The following PCBP2 variants were observed in gnomAD, a reference collection of about 807,000 sequenced individuals.
PCBP2 encodes poly(rC) binding protein 2.
PCBP2 carries 4 observed loss-of-function variants against 50.1 expected under a neutral mutation model. That is an observed-to-expected ratio of 0.08 (90% CI 0.04 to 0.18). The LOEUF is 0.18. PCBP2 is among the 10% of genes least tolerant of loss of function. The pLI, the probability that PCBP2 is intolerant of heterozygous loss-of-function variation, is 1.00. For missense variants in PCBP2, 161 were observed against 474.3 expected (o/e 0.34, Z 6.14); for synonymous variants, 179 against 168.0 (o/e 1.07, Z -0.51).
In PCBP2 at chr12:53,479,671, G is replaced by GTTTTTTTTTTTTTGGT. The variant is rs879244280; in HGVS notation, c.*241_*242insTGGTTTTTTTTTTTTT. ...ATTTAGTTTTATAAGCTTCTCCCTG[G>GTTTTTTTTTTTTTGGT]TTTTTTTTTTTTGGCTCATGAATTT... On this transcript the variant is annotated 3_prime_UTR_variant, in exon 15 of 15. Transcript: ENST00000546463. The GTTTTTTTTTTTTTGGT allele has an allele frequency of 6.3e-5, 13 of 206,800 alleles. No homozygotes were observed. Among genetic ancestry groups the GTTTTTTTTTTTTTGGT allele is most frequent in the African/African-American group, 2.7e-4 (10 of 37,728 alleles). 12.8% of individuals were successfully genotyped at this position (206,800 alleles called of 1,614,324 possible).
Position 53,467,268 on chromosome 12 carries a change from G to A in PCBP2, c.762G>A (p.Met254Ile). 1 of 1,614,074 alleles carries A rather than the reference G, an allele frequency of 6.2e-7. No homozygotes were observed. ...QLAMQQSHFP[M>I]THGNTGFSGI... ...CAATGCAACAGTCTCATTTTCCCAT[G>A]ACGCATGGCAACACCGGATTCAGTG... The change falls in exon 11 of 15, where the codon ATG (methionine) becomes ATA (isoleucine). Residue 254 changes from methionine to isoleucine, a missense_variant. Met to Ile is a conservative substitution (Grantham distance 10, BLOSUM62 1). Around this residue, in one of 7 missense-constraint regions of PCBP2, gnomAD observed 51 missense variants for 193.0 expected, o/e 0.26. Coordinates refer to ENST00000546463, the MANE Select transcript of PCBP2 (RefSeq NM_031989.5).
intron 13 of PCBP2, among the ~76,000 whole-genome samples, chr12:53,470,378 C>CAAAAAAA (rs754350790): frequency 1.1e-4 from 5 of 47,364 alleles, no homozygotes; most frequent in African/African-American, 5.0e-4. Context: ...CTCCGTCTCT[C>CAAAAAAA]AAAAAAAAAA....
chr12:53,454,899 A>G, intron 2 of PCBP2, 30 bp downstream of exon 2: 1 of 1,575,216 alleles, frequency 6.3e-7, no homozygotes, highest in African/African-American at 1.3e-5. Flanking sequence ...ATGGGGTCAT[A>G]GTAACTGCTA....
intron 10 of PCBP2, 44 bp downstream of exon 10, chr12:53,466,017 C>T (rs763602714): frequency 1.3e-6 from 2 of 1,575,930 alleles, no homozygotes; most frequent in Non-Finnish European, 1.7e-6. Flanking sequence ...CTCCCTCTCC[C>T]ATCCAAAATT....
chr12:53,452,647 G>C (rs866693240), intron 1 of PCBP2, among the ~76,000 whole-genome samples: 3 of 151,776 alleles, frequency 2.0e-5, no homozygotes, highest in African/African-American at 4.8e-5. Flanking sequence ...GCGCGGTAGG[G>C]GGGGCGGCGG....
chr12:53,477,765 GGA>G (rs1368056779), intron 14 of PCBP2, among the ~76,000 whole-genome samples: 1 of 150,868 alleles, frequency 6.6e-6, no homozygotes, highest in African/African-American at 2.4e-5. Flanking sequence ...TGTAGTCGAA[GGA>G]CTTTGCAGTT....
At chr12:53,469,491 C>T (rs567846592) in intron 13 of PCBP2, among the ~76,000 whole-genome samples, 23 of 151,854 alleles carry the variant, frequency 1.5e-4, no homozygotes, top group African/African-American at 2.7e-4. Context: ...GAGGCCGAGG[C>T]GGGTGGATCA....
chr12:53,477,510 A>T (rs1410948409), intron 14 of PCBP2, among the ~76,000 whole-genome samples: 1 of 151,766 alleles, frequency 6.6e-6, no homozygotes, highest in Non-Finnish European at 1.5e-5. Context: ...CTAAAAACAT[A>T]AAAAAATTAG....
chr12:53,479,458 T>C lies in PCBP2; in HGVS notation c.*16T>C, dbSNP rs748462417. 2 of 1,611,558 alleles carry C rather than the reference T, an allele frequency of 1.2e-6. No homozygotes were observed. Among genetic ancestry groups the C allele is most frequent in the South Asian group, 2.2e-5 (2 of 91,012 alleles). On this transcript the variant is annotated 3_prime_UTR_variant, in exon 15 of 15. Coordinates refer to ENST00000546463, the MANE Select transcript of PCBP2 (RefSeq NM_031989.5). The stretch of plus-strand genomic sequence containing the variant: ...GAGCAGCTAGAACAATGCAGATTCA[T>C]CCATAATCCCTTTCTGCTGTTCACC...
chr12:53,469,715 G>A (rs906675057), intron 13 of PCBP2, among the ~76,000 whole-genome samples: 17 of 149,372 alleles, frequency 1.1e-4, no homozygotes, highest in Non-Finnish European at 1.9e-4. Context: ...CAACAAGAGC[G>A]AAACTCCATT....
intron 12 of PCBP2, chr12:53,468,467 T>G: frequency 2.6e-6 from 1 of 381,874 alleles, no homozygotes; most frequent in Non-Finnish European, 4.8e-6. Flanking sequence ...AGGACTTGTT[T>G]AGACATTGGT....
rs1342056270 is a variant in PCBP2, at chr12:53,452,188, G to GC, written c.-262dup. 1 of 39,128 alleles carries GC rather than the reference G, an allele frequency of 2.6e-5. No homozygotes were observed. The highest frequency in any genetic ancestry group is 5.1e-5 in the Non-Finnish European group (1 of 19,720). The allele number at this position is 39,128 out of a possible 1,614,324, so 2.4% of individuals were successfully genotyped here. On this transcript the variant is annotated 5_prime_UTR_variant, in exon 1 of 15. Coordinates refer to ENST00000546463, the MANE Select transcript of PCBP2 (RefSeq NM_031989.5). The stretch of plus-strand genomic sequence containing the variant: ...CCCTCCGCCCGCCCGCCCGCCCTCC[G>GC]CCGCCCTCCACCCGCCCCGGGGTCT...
chr12:53,463,403 A>AC (rs1279068343), intron 8 of PCBP2, among the ~76,000 whole-genome samples: 1 of 152,136 alleles, frequency 6.6e-6, no homozygotes, highest in Non-Finnish European at 1.5e-5. Context: ...CCTTCAACCT[A>AC]CCTCAGATCA....
At chr12:53,477,072 G>A (rs756071406) in intron 14 of PCBP2, among the ~76,000 whole-genome samples, 4 of 151,986 alleles carry the variant, frequency 2.6e-5, no homozygotes, top group South Asian at 4.2e-4. Context: ...TTTTATCCTA[G>A]AGTACCTGAC....
At chr12:53,460,927 A>G (rs1941408506) in intron 6 of PCBP2, 88 bp from the exon 7 acceptor site, 2 of 1,393,364 alleles carry the variant, frequency 1.4e-6, no homozygotes, top group East Asian at 4.6e-5. Flanking sequence ...AATATCTACT[A>G]GAGTTTTAGG....
At chr12:53,459,177 A>G in intron 5 of PCBP2, 95 bp from the exon 6 acceptor site, 3 of 1,112,350 alleles carry the variant, frequency 2.7e-6, no homozygotes, top group South Asian at 4.6e-5. Context: ...GCATGTCCTA[A>G]TAAGATCACT....
intron 7 of PCBP2, 123 bp downstream of exon 7, chr12:53,461,266 A>G (rs566598323): frequency 2.8e-6 from 3 of 1,082,770 alleles, no homozygotes; most frequent in Non-Finnish European, 4.0e-6. Context: ...GGGTGGGGCT[A>G]AAAGGTTCCC....
At chr12:53,479,299 G>GGT (rs1942890625) in intron 14 of PCBP2, 107 bp from the exon 15 acceptor site, 1 of 933,362 alleles carries the variant, frequency 1.1e-6, no homozygotes, top group African/African-American at 1.6e-5. Flanking sequence ...TGTCTCCCTT[G>GGT]GTACTCCAGC....
intron 14 of PCBP2, chr12:53,474,835 C>G (rs1942464678): frequency 5.4e-6 from 2 of 369,600 alleles, no homozygotes; most frequent in East Asian, 7.4e-5. Flanking sequence ...TTCCACCCAC[C>G]CTTTTTTTTT....
Sources: gnomAD v4.1 joint callset for allele counts (sites outside exome capture counted in the v4.1 genomes callset) on GRCh38, gnomAD v4.1.1 for gene constraint, gnomAD v4.1.1 regional missense constraint, MANE v1.5 for transcripts, NCBI Gene and HGNC (gene_info 2026-07-23, HGNC 2026-07-21) for gene names.